The following ZBTB38 variants were observed in gnomAD, a reference collection of about 807,000 sequenced individuals.
The protein encoded by ZBTB38 is zinc finger and BTB domain-containing protein 38.
ZBTB38 carries 20 observed loss-of-function variants against 76.8 expected under a neutral mutation model. The observed-to-expected ratio is 0.26, with a 90% confidence interval of 0.18 to 0.38. The LOEUF (loss-of-function observed/expected upper bound fraction) is 0.38. ZBTB38 is among the 10% of genes least tolerant of loss of function. ZBTB38 has a pLI of 1.00. For missense variants in ZBTB38, 1,082 were observed against 1,482.3 expected, an observed-to-expected ratio of 0.73 and a Z score of 4.43; for synonymous variants, 504 against 544.2, an observed-to-expected ratio of 0.93 and a Z score of 1.03.
intron 5 of ZBTB38, among the ~76,000 whole-genome samples, chr3:141,419,945 C>T (rs142492769): frequency 0.015 from 2,217 of 152,216 alleles, 50 homozygotes; most frequent in African/African-American, 0.05. Context: ...CAAGATTATG[C>T]CATTGCACTC....
Position 141,445,852 on chromosome 3 carries a change from AG to A in ZBTB38, c.3466del (p.Glu1156ArgfsTer3). On this transcript the variant is annotated frameshift_variant, in exon 6 of 6. Coordinates refer to ENST00000321464, the MANE Select transcript of ZBTB38 (RefSeq NM_001376113.1). LOFTEE classifies it high-confidence loss of function. The surrounding 1 kb of genome is among the most constrained non-coding windows in gnomAD (Gnocchi z 6.5). Reference sequence around the variant, plus strand: ...CACTTATTCAAAAGCCCAAGTCAGCAGGAGAAAATAGGTGACGTGTGCCACG... The same window carrying A: ...CACTTATTCAAAAGCCCAAGTCAGCAGAGAAAATAGGTGACGTGTGCCACG... ...KKHLFKSPSQQEKIGDVCHEN... is the reference protein window; with the variant it reads ...KKHLFKSPSQXEKIGDVCHEN... The A allele has an allele frequency of 6.2e-7, 1 of 1,613,868 alleles. No homozygotes were observed. Among genetic ancestry groups the A allele is most frequent in the Non-Finnish European group, 8.5e-7 (1 of 1,180,038 alleles).
At chr3:141,426,603 G>A (rs933738145) in intron 5 of ZBTB38, among the ~76,000 whole-genome samples, 1 of 152,160 alleles carries the variant, frequency 6.6e-6, no homozygotes, top group Admixed American at 6.5e-5. Context: ...GTGTGGGAAG[G>A]GAAGATGTCA....
intron 5 of ZBTB38, chr3:141,431,855 G>C (rs1156777964): frequency 6.5e-6 from 1 of 153,032 alleles, no homozygotes; most frequent in East Asian, 1.9e-4. Context: ...GAATCTGATA[G>C]CTTAAGTGCA....
rs182629948 is a variant in ZBTB38, at chr3:141,357,676, C to T, written c.-738-10945C>T. 2.1e-4 allele frequency among the ~76,000 whole-genome samples: 32 copies of T among 152,152 alleles called. No homozygotes were observed. In the East Asian group the frequency reaches 6.0e-3, roughly 29 times the overall value. ...TCCTGAGTAGCTGGGACTACAGGCACCCGCCACCACGCCCTGCTAATTTTT... is the reference window on the plus strand; with the variant it reads ...TCCTGAGTAGCTGGGACTACAGGCATCCGCCACCACGCCCTGCTAATTTTT... On this transcript the variant is annotated intron_variant, in intron 1 of 7. Coordinates refer to the ZBTB38 transcript ENST00000509842.
At position 141,446,576 on chromosome 3, in the gene ZBTB38, T is replaced by C. The variant is rs2081110773; in HGVS notation, c.*600T>C. On this transcript the variant is annotated 3_prime_UTR_variant, in exon 6 of 6. Transcript: ENST00000321464. Reference sequence around the variant, plus strand: ...AACTACTTTTCTGCAACACAAACCTTGTAAAATACATATATAAATCACTAT... The same window carrying C: ...AACTACTTTTCTGCAACACAAACCTCGTAAAATACATATATAAATCACTAT... The C allele has an allele frequency of 6.5e-6, 1 of 152,732 alleles. No individual in the cohort carries two copies. Among genetic ancestry groups the C allele is most frequent in the Non-Finnish European group, 1.5e-5 (1 of 68,096 alleles). 9.5% of individuals were successfully genotyped at this position (152,732 alleles called of 1,614,324 possible).
rs1233419804 is a variant in ZBTB38 at position 141,442,957 on chromosome 3, A to G, written c.569A>G (p.Lys190Arg). The change falls in exon 6 of 6, where the codon AAA (lysine) becomes AGA (arginine). Residue 190 changes from lysine to arginine, a missense_variant. By Grantham distance (26) the Lys-to-Arg change is conservative (BLOSUM62 2). This residue lies in a region of ZBTB38 where 324 missense variants were observed against 359.1 expected (regional missense o/e 0.90). Transcript: ENST00000321464. The surrounding 1 kb of genome is among the most constrained non-coding windows in gnomAD (Gnocchi z 6.4). ...FSPLDLRASFKKVSDSMRTAS... is the reference protein window; with the variant it reads ...FSPLDLRASFRKVSDSMRTAS... ...CCGCTGGACTTGAGGGCAAGTTTCAAAAAGGTCTCCGACTCCATGAGAACA... is the reference window on the plus strand; with the variant it reads ...CCGCTGGACTTGAGGGCAAGTTTCAGAAAGGTCTCCGACTCCATGAGAACA... 1 of 1,614,246 alleles carries G rather than the reference A, an allele frequency of 6.2e-7. No individual in the cohort carries two copies. Among genetic ancestry groups the G allele is most frequent in the Admixed American group, 1.7e-5 (1 of 60,026 alleles).
intron 1 of ZBTB38, among the ~76,000 whole-genome samples, chr3:141,359,192 T>G (rs1406801052): frequency 6.6e-6 from 1 of 152,238 alleles, no homozygotes; most frequent in Non-Finnish European, 1.5e-5. Context: ...ACCATCTTAA[T>G]GTACTGGTTT....
At chr3:141,326,487 G>C (rs1358568417) in intron 1 of ZBTB38, among the ~76,000 whole-genome samples, 1 of 152,164 alleles carries the variant, frequency 6.6e-6, no homozygotes, top group East Asian at 1.9e-4. Flanking sequence ...TCTTATCAGA[G>C]TGCAATAATG....
At chr3:141,340,806 A>T (rs1576645941) in intron 1 of ZBTB38, among the ~76,000 whole-genome samples, 1 of 151,824 alleles carries the variant, frequency 6.6e-6, no homozygotes, top group African/African-American at 2.4e-5. Flanking sequence ...CTGAGGCAGG[A>T]GAATGACATG....
chr3:141,419,597 A>G (rs1289328807), intron 5 of ZBTB38, among the ~76,000 whole-genome samples: 1 of 152,066 alleles, frequency 6.6e-6, no homozygotes, highest in African/African-American at 2.4e-5. Context: ...CTTTGTCTTC[A>G]TTTTTCTGAG....
intron 1 of ZBTB38, among the ~76,000 whole-genome samples, chr3:141,348,287 G>A (rs77133594): frequency 0.044 from 6,746 of 152,228 alleles, 212 homozygotes; most frequent in African/African-American, 0.092. Flanking sequence ...TAATGGAACT[G>A]CTACTGTATT....
chr3:141,353,841 G>A (rs1943585278), intron 1 of ZBTB38, among the ~76,000 whole-genome samples: 1 of 152,122 alleles, frequency 6.6e-6, no homozygotes, highest in Non-Finnish European at 1.5e-5. Flanking sequence ...CAGCTTCTTG[G>A]AAGCTATCCT....
chr3:141,410,767 T>C (rs545854160), intron 5 of ZBTB38, among the ~76,000 whole-genome samples: 157 of 152,230 alleles, frequency 1.0e-3, no homozygotes, highest in Non-Finnish European at 1.9e-3. Flanking sequence ...TTCTCCTCTC[T>C]TATGTAAATG....
At chr3:141,407,935 C>T (rs751248083) in intron 5 of ZBTB38, among the ~76,000 whole-genome samples, 1 of 152,194 alleles carries the variant, frequency 6.6e-6, no homozygotes, top group Non-Finnish European at 1.5e-5. Flanking sequence ...CCTCCCACCC[C>T]GCATCATCTC....
intron 1 of ZBTB38, among the ~76,000 whole-genome samples, chr3:141,348,114 T>A (rs1400538560): frequency 2.6e-5 from 4 of 152,258 alleles, no homozygotes; most frequent in Non-Finnish European, 5.9e-5. Context: ...CTATTGAAGT[T>A]ATTTGTATTT....
intron 3 of ZBTB38, among the ~76,000 whole-genome samples, chr3:141,384,116 G>T (rs566577404): frequency 2.0e-5 from 3 of 152,334 alleles, no homozygotes; most frequent in Admixed American, 6.5e-5. Flanking sequence ...TCTGGTAAAC[G>T]TACCACGTTT....
chr3:141,397,850 C>A (rs1459264880), intron 4 of ZBTB38, among the ~76,000 whole-genome samples: 3 of 152,160 alleles, frequency 2.0e-5, no homozygotes, highest in Non-Finnish European at 4.4e-5. Flanking sequence ...GATCACAGAT[C>A]ACTATAACAC....
intron 1 of ZBTB38, among the ~76,000 whole-genome samples, chr3:141,346,817 G>GTGTGTGTGTGTGTGT (rs1559915420): frequency 5.0e-5 from 3 of 59,772 alleles, no homozygotes; most frequent in African/African-American, 1.4e-4. Flanking sequence ...TGTGTGTGTG[G>GTGTGTGTGTGTGTGT]TGCAATGCTC....
chr3:141,439,906 C>T (rs79187214), intron 5 of ZBTB38, among the ~76,000 whole-genome samples: 3,747 of 152,120 alleles, frequency 0.025, 165 homozygotes, highest in African/African-American at 0.087. Context: ...GGCCCAGAGC[C>T]GAGAGACTTG....
Sources: gnomAD v4.1 joint callset for allele counts (sites outside exome capture counted in the v4.1 genomes callset) on GRCh38, gnomAD v4.1.1 for gene constraint, gnomAD v4.1.1 regional missense constraint, Gnocchi (gnomAD v3.1) non-coding constraint, MANE v1.5 for transcripts, NCBI Gene and HGNC (gene_info 2026-07-23, HGNC 2026-07-21) for gene names.